Variants in KRABD5 observed in about 807,000 individuals in gnomAD.
The protein encoded by KRABD5 is KRAB domain containing 5.
At chr16:31,737,228 A>C in the KRABD5 span, among the ~76,000 whole-genome samples, 1 of 150,788 alleles carries the variant, frequency 6.6e-6, no homozygotes, top group Non-Finnish European at 1.5e-5. Context: ...AAAGAAATAA[A>C]AGGCATCCAA....
At chr16:31,757,175 T>C in the KRABD5 span, 29 of 152,296 alleles carry the variant, frequency 1.9e-4, no homozygotes, top group African/African-American at 5.5e-4. Context: ...TTGTAAAATT[T>C]AATGGTGCTG....
At chr16:31,715,398 G>C in the KRABD5 span, among the ~76,000 whole-genome samples, 2 of 151,996 alleles carry the variant, frequency 1.3e-5, no homozygotes, top group East Asian at 3.9e-4. Context: ...AAAGGAAGGG[G>C]GATTTCTTTC....
At chr16:31,716,398 C>G in the KRABD5 span, among the ~76,000 whole-genome samples, 9 of 152,326 alleles carry the variant, frequency 5.9e-5, no homozygotes, top group East Asian at 1.7e-3. Flanking sequence ...CCCACAAACC[C>G]TGACAGGGTC....
At chr16:31,731,803 CT>C in the KRABD5 span, among the ~76,000 whole-genome samples, 1 of 152,210 alleles carries the variant, frequency 6.6e-6, no homozygotes, top group Non-Finnish European at 1.5e-5. Context: ...CTGCATGAAA[CT>C]GAAGCAAAGT....
chr16:31,731,638 C>T, the KRABD5 span, among the ~76,000 whole-genome samples: 2 of 152,224 alleles, frequency 1.3e-5, no homozygotes, highest in African/African-American at 4.8e-5. Context: ...TTGAGCAGAA[C>T]TGCTCCCAGA....
the KRABD5 span, among the ~76,000 whole-genome samples, chr16:31,747,810 G>A: frequency 1.3e-5 from 2 of 152,132 alleles, no homozygotes; most frequent in East Asian, 1.9e-4. Flanking sequence ...GTCTGTTCAT[G>A]TCCTTTGCCC....
the KRABD5 span, among the ~76,000 whole-genome samples, chr16:31,743,084 A>G: frequency 1.3e-5 from 2 of 151,852 alleles, no homozygotes; most frequent in Non-Finnish European, 2.9e-5. Context: ...GTGGTTTGTA[A>G]ACATTTTTCC....
the KRABD5 span, among the ~76,000 whole-genome samples, chr16:31,750,893 G>A: frequency 2.0e-5 from 3 of 152,088 alleles, no homozygotes; most frequent in African/African-American, 7.2e-5. Flanking sequence ...CAGAGTACCT[G>A]TGACTACAGG....
chr16:31,738,249 G>A, the KRABD5 span, among the ~76,000 whole-genome samples: 1 of 152,004 alleles, frequency 6.6e-6, no homozygotes, highest in Non-Finnish European at 1.5e-5. Context: ...TTTCCTTATT[G>A]ATCTTTTGTC....
At chr16:31,739,247 A>G in the KRABD5 span, among the ~76,000 whole-genome samples, 4 of 152,202 alleles carry the variant, frequency 2.6e-5, no homozygotes, top group African/African-American at 9.6e-5. Flanking sequence ...TCTAGTGGAT[A>G]TGAATTCATT....
the KRABD5 span, among the ~76,000 whole-genome samples, chr16:31,734,427 A>T: frequency 2.0e-5 from 3 of 151,878 alleles, no homozygotes; most frequent in African/African-American, 4.8e-5. Context: ...ATTTTAAAAA[A>T]TTTTTGCAGA....
chr16:31,759,093 A>G, the KRABD5 span: 1 of 336,430 alleles, frequency 3.0e-6, no homozygotes, highest in Non-Finnish European at 5.7e-6. Context: ...AAAGAAGTGT[A>G]ATGTAAATGC....
At chr16:31,740,205 C>G in the KRABD5 span, among the ~76,000 whole-genome samples, 1 of 152,144 alleles carries the variant, frequency 6.6e-6, no homozygotes, top group Non-Finnish European at 1.5e-5. Context: ...GTCTCCACGA[C>G]CGAGCTGGTC....
the KRABD5 span, among the ~76,000 whole-genome samples, chr16:31,740,631 G>GT: frequency 2.2e-5 from 2 of 90,344 alleles, no homozygotes; most frequent in African/African-American, 9.0e-5. Context: ...CTGCGTCTAA[G>GT]ATTTTTTTTT....
the KRABD5 span, chr16:31,722,748 T>A: frequency 6.3e-7 from 1 of 1,590,382 alleles, no homozygotes; most frequent in Non-Finnish European, 8.5e-7. Context: ...ACCTGGTCTC[T>A]CTGGGTGAGG....
the KRABD5 span, among the ~76,000 whole-genome samples, chr16:31,722,969 C>T: frequency 2.6e-5 from 4 of 152,150 alleles, no homozygotes; most frequent in African/African-American, 9.7e-5. Flanking sequence ...AAGCTTCACT[C>T]TAGTTTAGTA....
the KRABD5 span, among the ~76,000 whole-genome samples, chr16:31,752,082 A>T: frequency 1.3e-5 from 2 of 152,022 alleles, no homozygotes; most frequent in Admixed American, 1.3e-4. Context: ...TCTTCTTGGT[A>T]TTGTTTTCTG....
At chr16:31,722,356 C>G in the KRABD5 span, among the ~76,000 whole-genome samples, 3 of 152,256 alleles carry the variant, frequency 2.0e-5, no homozygotes, top group East Asian at 1.9e-4. Flanking sequence ...TATGAGCTAC[C>G]GCGCCCGGCC....
chr16:31,750,947 A>G, the KRABD5 span, among the ~76,000 whole-genome samples: 1 of 152,212 alleles, frequency 6.6e-6, no homozygotes, highest in Admixed American at 6.5e-5. Context: ...TTTAGTAGAG[A>G]CAGGGTTTCG....
Sources: gnomAD v4.1 joint callset for allele counts (sites outside exome capture counted in the v4.1 genomes callset) on GRCh38, gnomAD v4.1.1 for gene constraint, MANE v1.5 for transcripts, NCBI Gene and HGNC (gene_info 2026-07-23, HGNC 2026-07-21) for gene names.